Variants in SUSD5 observed in about 807,000 individuals in gnomAD.
The protein encoded by SUSD5 is sushi domain-containing protein 5.
In SUSD5, 33 loss-of-function variants were observed where a neutral mutation model predicts 29.5. That is an observed-to-expected ratio of 1.12 (90% CI 0.85 to 1.49). The LOEUF is 1.49. SUSD5 is among the 40% of genes most tolerant of loss of function. The pLI is 0.00. For missense variants in SUSD5, 776 were observed against 800.6 expected, an observed-to-expected ratio of 0.97 and a Z score of 0.37; for synonymous variants, 308 against 325.3, an observed-to-expected ratio of 0.95 and a Z score of 0.57.
At chr3:33,199,562 C>G (rs561573772) in intron 3 of SUSD5, among the ~76,000 whole-genome samples, 39 of 152,306 alleles carry the variant, frequency 2.6e-4, no homozygotes, top group African/African-American at 7.7e-4. Flanking sequence ...CGTGAGCCAC[C>G]ACGCCCAACC....
chr3:33,194,826 T>C (rs996095262), intron 3 of SUSD5, among the ~76,000 whole-genome samples: 2 of 152,230 alleles, frequency 1.3e-5, no homozygotes, highest in Admixed American at 1.3e-4. Flanking sequence ...AACAGCTTGA[T>C]GAAAATATGA....
rs1402717379 is a variant in SUSD5 at position 33,150,172 on chromosome 3, T to G, written c.*2570A>C. On this transcript the variant is annotated 3_prime_UTR_variant, in exon 5 of 5. Transcript: ENST00000309558. The stretch of plus-strand genomic sequence containing the variant: ...GCATGACATACAATTTAGATTTACA[T>G]TGTTTTAATCATTCCCTTTCAACAT... 3 of 152,190 alleles carry G rather than the reference T, an allele frequency of 2.0e-5. No homozygotes were observed. The highest frequency in any genetic ancestry group is 2.9e-5 in the Non-Finnish European group (2 of 68,022). 9.4% of individuals were successfully genotyped at this position (152,190 alleles called of 1,614,324 possible).
intron 3 of SUSD5, among the ~76,000 whole-genome samples, chr3:33,182,640 T>C (rs2031695796): frequency 6.6e-6 from 1 of 152,240 alleles, no homozygotes; most frequent in Non-Finnish European, 1.5e-5. Context: ...TTATGTCTTC[T>C]TAGAATATTG....
At chr3:33,198,664 T>C (rs1361140923) in intron 3 of SUSD5, among the ~76,000 whole-genome samples, 5 of 152,206 alleles carry the variant, frequency 3.3e-5, no homozygotes, top group African/African-American at 1.2e-4. Context: ...CAGCCCTATC[T>C]TGGATCACTC....
rs575178720 is a variant in SUSD5, at chr3:33,192,814, C to CAA, written c.409+14992_409+14993dup. ...CCTGGGTGACAGAGTGAGACTCTGT[C>CAA]AAAAAATATATATATATAATCTAAT... On this transcript the variant is annotated intron_variant, in intron 3 of 4. Transcript: ENST00000309558. Among the ~76,000 whole-genome samples the CAA allele has an allele frequency of 4.6e-4, 59 of 129,220 alleles. 1 individual carries two copies. Among genetic ancestry groups the CAA allele is most frequent in the East Asian group, 3.4e-3 (11 of 3,260 alleles). 84.8% of individuals were successfully genotyped at this position (129,220 alleles called of 152,430 possible).
Position 33,183,930 on chromosome 3 carries a change from C to CTTTTTTTTTT in SUSD5, c.410-8866_410-8857dup, listed in dbSNP as rs68055129. On this transcript the variant is annotated intron_variant, in intron 3 of 4. Transcript: ENST00000309558. ...AACACTTTAAATATTTTATTACCCT[C>CTTTTTTTTTT]TTTTTTTTTTTTTTTTTTTTTTTTT... Among the ~76,000 whole-genome samples the CTTTTTTTTTT allele has an allele frequency of 3.3e-3, 205 of 62,582 alleles. 16 individuals carry two copies. Among genetic ancestry groups the CTTTTTTTTTT allele is most frequent in the African/African-American group, 4.0e-3 (53 of 13,308 alleles). The allele number at this position is 62,582 out of a possible 152,430, so 41.1% of individuals were successfully genotyped here. A position where few individuals can be genotyped will look rare whatever the true frequency, so the allele number is the denominator to read the frequency against.
chr3:33,192,174 A>AGCGATTC (rs964278294), intron 3 of SUSD5, among the ~76,000 whole-genome samples: 4 of 151,818 alleles, frequency 2.6e-5, no homozygotes, highest in Non-Finnish European at 4.4e-5. Flanking sequence ...CCCAGGTTCA[A>AGCGATTC]GCGATTCTCC....
intron 3 of SUSD5, among the ~76,000 whole-genome samples, chr3:33,187,167 T>C (rs974122311): frequency 6.6e-6 from 1 of 152,178 alleles, no homozygotes; most frequent in Non-Finnish European, 1.5e-5. Context: ...GCAAACACTA[T>C]GAAAGGACTG....
chr3:33,163,930 G>A (rs1259440924), intron 4 of SUSD5, among the ~76,000 whole-genome samples: 1 of 152,188 alleles, frequency 6.6e-6, no homozygotes, highest in Non-Finnish European at 1.5e-5. Context: ...AACCCGGGAG[G>A]CGGAGCTTGC....
intron 3 of SUSD5, among the ~76,000 whole-genome samples, chr3:33,195,122 G>A (rs1176987082): frequency 2.0e-5 from 3 of 152,170 alleles, no homozygotes; most frequent in South Asian, 4.1e-4. Flanking sequence ...TTGAACCCAG[G>A]AGGCAGAGGT....
chr3:33,192,862 T>A (rs2031920505), intron 3 of SUSD5, among the ~76,000 whole-genome samples: 1 of 152,098 alleles, frequency 6.6e-6, no homozygotes, highest in Non-Finnish European at 1.5e-5. Flanking sequence ...TATTTTCCCA[T>A]ATTCATAACC....
rs374505642 is a variant in SUSD5 at position 33,152,904 on chromosome 3, G to A, written c.1728C>T (p.Ile576=). 1,435 of 1,613,984 alleles carry A rather than the reference G, an allele frequency of 8.9e-4. No individual in the cohort carries two copies. Among genetic ancestry groups the A allele is most frequent in the South Asian group, 1.4e-3 (125 of 91,084 alleles). Residue 576 remains isoleucine (I), a synonymous_variant, in exon 5 of 5, where the codon ATC becomes ATT. Transcript: ENST00000309558. ...GCPGLSRGPV[I]ATIVTVLCLL... is the part of the protein sequence containing the mutation. ...GGCACAGGACGGTGACAATGGTGGC[G>A]ATCACAGGGCCTCTGCTGAGGCCAG...
rs1170865722 is a variant in SUSD5, at chr3:33,218,664, CCGCCG to C, written c.112+17_112+21del. 1.6e-6 allele frequency: 2 copies of C among 1,277,640 alleles called. No individual in the cohort carries two copies. The highest frequency in any genetic ancestry group is 3.1e-5 in the African/African-American group (2 of 64,600). The allele number at this position is 1,277,640 out of a possible 1,614,324, so 79.1% of individuals were successfully genotyped here. A position where few individuals can be genotyped will look rare whatever the true frequency, so the allele number is the denominator to read the frequency against. On this transcript the variant is annotated intron_variant, in intron 1 of 4. Transcript: ENST00000309558. The stretch of plus-strand genomic sequence containing the variant: ...CGGACCCCACGCTCCACCCCCCGCC[CCGCCG>C]CCTCCCGCACACTCACCATCCGCCC...
chr3:33,154,155 C>T lies in SUSD5; in HGVS notation c.599-122G>A, dbSNP rs1005178473. 13 of 795,932 alleles carry T rather than the reference C, an allele frequency of 1.6e-5. No individual in the cohort carries two copies. In the East Asian group the frequency reaches 3.3e-4, roughly 20 times the overall value. 49.3% of individuals were successfully genotyped at this position (795,932 alleles called of 1,614,324 possible). On this transcript the variant is annotated intron_variant, in intron 4 of 4. Coordinates refer to ENST00000309558, the MANE Select transcript of SUSD5 (RefSeq NM_015551.2). ...GAATAAATAATACTGTTATTATTCA[C>T]AGATGATATGACTGTGTATCATAGA...
intron 3 of SUSD5, among the ~76,000 whole-genome samples, chr3:33,193,647 T>C (rs572849526): frequency 6.6e-6 from 1 of 152,222 alleles, no homozygotes; most frequent in South Asian, 2.1e-4. Context: ...CTTTGAAGTG[T>C]TGAGTGAGTG....
chr3:33,215,419 C>G (rs1254315244), intron 1 of SUSD5, among the ~76,000 whole-genome samples: 1 of 152,100 alleles, frequency 6.6e-6, no homozygotes, highest in South Asian at 2.1e-4. Context: ...AAAAATCATA[C>G]AAAGCATGCC....
chr3:33,157,656 C>G (rs1344376035), intron 4 of SUSD5, among the ~76,000 whole-genome samples: 8 of 152,198 alleles, frequency 5.3e-5, no homozygotes, highest in Non-Finnish European at 1.2e-4. Context: ...TCTCTAGAAT[C>G]TGGGCTGACC....
chr3:33,171,135 C>G (rs531038282), intron 4 of SUSD5, among the ~76,000 whole-genome samples: 42 of 152,152 alleles, frequency 2.8e-4, no homozygotes, highest in African/African-American at 1.0e-3. Context: ...TGGAGTCCTG[C>G]TCAGGAGTTC....
chr3:33,218,631 T>C, intron 1 of SUSD5, 55 bp downstream of exon 1: 2 of 1,244,626 alleles, frequency 1.6e-6, no homozygotes. Context: ...AGCTACGCCC[T>C]CCCTGCCCGG....
Sources: allele counts gnomAD v4.1 joint callset (sites outside exome capture counted in the v4.1 genomes callset), GRCh38; gene constraint gnomAD v4.1.1; transcripts MANE v1.5; gene names NCBI Gene and HGNC (gene_info 2026-07-23, HGNC 2026-07-21).